The following DPP10 variants were observed in gnomAD, a reference collection of about 807,000 sequenced individuals.
The protein encoded by DPP10 is inactive dipeptidyl peptidase 10.
In DPP10, 33 loss-of-function variants were observed where a neutral mutation model predicts 120.9. That is an observed-to-expected ratio of 0.27 (90% confidence interval 0.21 to 0.37). The LOEUF (loss-of-function observed/expected upper bound fraction) is 0.37. Among genes scored for constraint, DPP10 ranks in the 10% least tolerant of loss-of-function variants. DPP10 has a pLI of 1.00. For synonymous variants in DPP10, 337 were observed against 326.1 expected, an observed-to-expected ratio of 1.03 and a Z score of -0.36; for missense variants, 816 against 942.8, an observed-to-expected ratio of 0.87 and a Z score of 1.76.
intron 1 of DPP10, among the ~76,000 whole-genome samples, chr2:115,175,411 G>A (rs777799373): frequency 6.6e-6 from 1 of 152,132 alleles, no homozygotes; most frequent in Non-Finnish European, 1.5e-5. Context: ...GAGGGGTGGG[G>A]GAACAGGAAG....
chr2:115,263,252 G>A (rs1005436030), intron 1 of DPP10, among the ~76,000 whole-genome samples: 3 of 152,132 alleles, frequency 2.0e-5, no homozygotes, highest in Non-Finnish European at 4.4e-5. Context: ...TGGGAGATTT[G>A]ATATTAATAT....
intron 5 of DPP10, among the ~76,000 whole-genome samples, chr2:115,562,431 C>T (rs1254953876): frequency 6.6e-6 from 1 of 152,168 alleles, no homozygotes; most frequent in Non-Finnish European, 1.5e-5. Context: ...TTTCATCACT[C>T]TTATCAGCAT....
intron 1 of DPP10, among the ~76,000 whole-genome samples, chr2:114,910,463 TAAC>T (rs921233993): frequency 7.2e-5 from 11 of 152,012 alleles, no homozygotes; most frequent in African/African-American, 2.4e-4. Context: ...AGTGGCCTAA[TAAC>T]AAATTCGACA....
chr2:115,759,740 G>C (rs1301271484), intron 11 of DPP10, among the ~76,000 whole-genome samples: 1 of 151,970 alleles, frequency 6.6e-6, no homozygotes, highest in African/African-American at 2.4e-5. Context: ...GCTGGGCACG[G>C]TGGCTCATGC....
At position 114,978,640 on chromosome 2, in the gene DPP10, T is replaced by C. The variant is rs148048312; in HGVS notation, c.61-330599T>C. 4.4e-3 allele frequency among the ~76,000 whole-genome samples: 664 copies of C among 152,258 alleles called. 6 individuals carry two copies. Among genetic ancestry groups the C allele is most frequent in the African/African-American group, 0.015 (635 of 41,568 alleles). On this transcript the variant is annotated intron_variant, in intron 1 of 25. Coordinates refer to ENST00000410059, the MANE Select transcript of DPP10 (RefSeq NM_020868.6). ...TCAATTGTTACCTGGTGTCTTGTGA[T>C]AATAATAGAATCACAAACTTCCAAG...
intron 1 of DPP10, among the ~76,000 whole-genome samples, chr2:114,762,365 G>A (rs1488393060): frequency 6.6e-6 from 1 of 152,134 alleles, no homozygotes; most frequent in Admixed American, 6.5e-5. Flanking sequence ...TGCATTGCTT[G>A]ATATAATGGT....
rs546751960 is a variant in DPP10 at position 115,341,155 on chromosome 2, C to T, written c.176-2662C>T. Among the ~76,000 whole-genome samples, 13 of 152,178 alleles carry T rather than the reference C, an allele frequency of 8.5e-5. No homozygotes were observed. The South Asian group carries it at 2.5e-3, about 29-fold the overall frequency. The stretch of plus-strand genomic sequence containing the variant: ...TTAAGATATTTTTTCGCTTGTGAAA[C>T]AAAAAGCACTTATCCTTTTATCGCA... On this transcript the variant is annotated intron_variant, in intron 2 of 25. Coordinates refer to ENST00000410059, the MANE Select transcript of DPP10 (RefSeq NM_020868.6).
intron 1 of DPP10, among the ~76,000 whole-genome samples, chr2:114,540,270 C>T (rs535093969): frequency 1.5e-4 from 23 of 152,172 alleles, no homozygotes; most frequent in African/African-American, 4.6e-4. Flanking sequence ...TTTGATGGTT[C>T]GGAAGGACAA....
chr2:114,835,265 G>GTA (rs1322708093), intron 1 of DPP10: 1 of 132,432 alleles, frequency 7.6e-6, no homozygotes, highest in Admixed American at 7.8e-5. Flanking sequence ...ACACACCTAT[G>GTA]TATATATATA....
intron 1 of DPP10, among the ~76,000 whole-genome samples, chr2:114,831,105 G>C (rs924344144): frequency 3.6e-5 from 5 of 137,360 alleles, no homozygotes; most frequent in Non-Finnish European, 7.5e-5. Flanking sequence ...AAAAACAGAT[G>C]ATGGGGCAGT....
intron 7 of DPP10, among the ~76,000 whole-genome samples, chr2:115,711,585 G>A (rs1352893600): frequency 3.3e-5 from 5 of 152,144 alleles, no homozygotes; most frequent in East Asian, 3.9e-4. Context: ...CTATATAGGT[G>A]TGGGAATGAA....
intron 1 of DPP10, among the ~76,000 whole-genome samples, chr2:114,802,950 C>A (rs965825000): frequency 6.6e-6 from 1 of 152,110 alleles, no homozygotes; most frequent in African/African-American, 2.4e-5. Flanking sequence ...CTTAACTTTT[C>A]CCCTGGATTT....
At chr2:114,942,402 C>CATATATAT (rs61579596) in intron 1 of DPP10, among the ~76,000 whole-genome samples, 11,630 of 127,512 alleles carry the variant, frequency 0.091, 655 homozygotes, top group Non-Finnish European at 0.11. Flanking sequence ...CACACACACA[C>CATATATAT]ATATATATAT....
intron 1 of DPP10, among the ~76,000 whole-genome samples, chr2:114,872,614 C>A (rs1322509784): frequency 1.3e-5 from 2 of 152,156 alleles, no homozygotes; most frequent in Non-Finnish European, 2.9e-5. Context: ...ATGTCAGAAT[C>A]TGACATTTAT....
At chr2:114,738,008 A>G (rs1316527304) in intron 1 of DPP10, among the ~76,000 whole-genome samples, 1 of 152,222 alleles carries the variant, frequency 6.6e-6, no homozygotes, top group Non-Finnish European at 1.5e-5. Context: ...TAGGAAACTT[A>G]CAATCATGAC....
chr2:115,716,961 A>T (rs368704295), intron 7 of DPP10, among the ~76,000 whole-genome samples: 43 of 152,338 alleles, frequency 2.8e-4, no homozygotes, highest in African/African-American at 9.1e-4. Context: ...TTCTTTATGG[A>T]ATCTGTTATA....
chr2:115,382,978 G>T (rs1047087446), intron 3 of DPP10, among the ~76,000 whole-genome samples: 1 of 152,208 alleles, frequency 6.6e-6, no homozygotes, highest in Non-Finnish European at 1.5e-5. Flanking sequence ...TTTCTGCACA[G>T]GGGGTGCCAT....
At chr2:115,753,884 C>T (rs1207490886) in intron 11 of DPP10, among the ~76,000 whole-genome samples, 1 of 152,080 alleles carries the variant, frequency 6.6e-6, no homozygotes, top group African/African-American at 2.4e-5. Context: ...TAAGTTTAAA[C>T]GGTTATGTGT....
chr2:114,808,852 C>T (rs1256705080), intron 1 of DPP10, among the ~76,000 whole-genome samples: 5 of 152,098 alleles, frequency 3.3e-5, no homozygotes, highest in Non-Finnish European at 2.9e-5. Context: ...AAATGCATTC[C>T]ACTCCCCACC....
Sources: allele counts gnomAD v4.1 joint callset (sites outside exome capture counted in the v4.1 genomes callset), GRCh38; gene constraint gnomAD v4.1.1; transcripts MANE v1.5; gene names NCBI Gene and HGNC (gene_info 2026-07-23, HGNC 2026-07-21).